CFAP210: variants seen among roughly 807,000 people sequenced by gnomAD.
CFAP210 encodes cilia and flagella associated protein 210, also known as cilia- and flagella- associated protein 210.
chr2:169,649,803 T>C, the CFAP210 span, among the ~76,000 whole-genome samples: 6 of 151,966 alleles, frequency 3.9e-5, no homozygotes, highest in African/African-American at 1.4e-4. Context: ...TGGTGGCGCA[T>C]GCCTGTAATC....
the CFAP210 span, among the ~76,000 whole-genome samples, chr2:169,684,331 T>A: frequency 6.6e-6 from 1 of 152,198 alleles, no homozygotes; most frequent in Non-Finnish European, 1.5e-5. Context: ...ATAATACACA[T>A]AAAAATCCGC....
the CFAP210 span, among the ~76,000 whole-genome samples, chr2:169,683,545 C>A: frequency 6.6e-6 from 1 of 152,204 alleles, no homozygotes; most frequent in Non-Finnish European, 1.5e-5. Context: ...ATGTTAATAT[C>A]TTTGTCTGAC....
chr2:169,662,213 T>C, the CFAP210 span: 2 of 1,473,424 alleles, frequency 1.4e-6, no homozygotes, highest in Non-Finnish European at 1.9e-6. Context: ...AAATATATTA[T>C]GTATCAATTT....
the CFAP210 span, among the ~76,000 whole-genome samples, chr2:169,677,920 A>C: frequency 5.3e-5 from 8 of 152,356 alleles, no homozygotes; most frequent in African/African-American, 1.9e-4. Context: ...TAAAGCTAAC[A>C]ATAGCAGATT....
At chr2:169,694,233 T>C in the CFAP210 span, 9 of 1,612,608 alleles carry the variant, frequency 5.6e-6, no homozygotes, top group South Asian at 9.9e-5. Flanking sequence ...AAACAATCCC[T>C]GTCCCTGGAT....
chr2:169,645,929 ACAT>A, the CFAP210 span: 1 of 1,613,952 alleles, frequency 6.2e-7, no homozygotes, highest in Non-Finnish European at 8.5e-7. Context: ...GACTCCAGTA[ACAT>A]CATTTGCCTG....
At chr2:169,683,825 G>C in the CFAP210 span, among the ~76,000 whole-genome samples, 2 of 151,928 alleles carry the variant, frequency 1.3e-5, no homozygotes, top group African/African-American at 2.4e-5. Context: ...AACAAACAAA[G>C]AGAACAGCCA....
At chr2:169,646,245 A>G in the CFAP210 span, 2 of 1,194,704 alleles carry the variant, frequency 1.7e-6, no homozygotes, top group South Asian at 1.5e-5. Flanking sequence ...TTCTAAATAT[A>G]CATAGCATTT....
At chr2:169,671,698 G>A in the CFAP210 span, among the ~76,000 whole-genome samples, 1 of 152,178 alleles carries the variant, frequency 6.6e-6, no homozygotes, top group Non-Finnish European at 1.5e-5. Flanking sequence ...TCAAACTCCT[G>A]ACCTCAAGTG....
the CFAP210 span, among the ~76,000 whole-genome samples, chr2:169,683,075 C>T: frequency 6.6e-6 from 1 of 152,042 alleles, no homozygotes; most frequent in Non-Finnish European, 1.5e-5. Context: ...GCCTTTAGGA[C>T]CAAATAAAGT....
the CFAP210 span, among the ~76,000 whole-genome samples, chr2:169,653,029 AATATATAT>A: frequency 0.066 from 2,637 of 39,692 alleles, 129 homozygotes; most frequent in African/African-American, 0.1. Flanking sequence ...AAAAAAAAAA[AATATATAT>A]ATATATATAT....
the CFAP210 span, among the ~76,000 whole-genome samples, chr2:169,676,919 G>A: frequency 1.3e-5 from 2 of 152,158 alleles, no homozygotes; most frequent in African/African-American, 4.8e-5. Context: ...AAAGTAGGGT[G>A]GAGGGAGGGA....
At chr2:169,671,270 T>TA in the CFAP210 span, among the ~76,000 whole-genome samples, 11 of 152,172 alleles carry the variant, frequency 7.2e-5, no homozygotes, top group Non-Finnish European at 1.5e-4. Flanking sequence ...AAAATACCTC[T>TA]ACAGCCCACT....
chr2:169,694,317 G>T, the CFAP210 span: 1 of 1,614,038 alleles, frequency 6.2e-7, no homozygotes, highest in South Asian at 1.1e-5. Flanking sequence ...CATCTCTGAC[G>T]AGGTGTCCAT....
the CFAP210 span, chr2:169,658,230 T>G: frequency 1.3e-5 from 2 of 152,296 alleles, no homozygotes; most frequent in Non-Finnish European, 1.5e-5. Context: ...AATTAAAACT[T>G]TAAACTCTTA....
chr2:169,674,960 T>C, the CFAP210 span: 1 of 1,546,590 alleles, frequency 6.5e-7, no homozygotes, highest in Admixed American at 2.1e-5. Flanking sequence ...ATATTTCTTC[T>C]TCCAGATCAA....
the CFAP210 span, among the ~76,000 whole-genome samples, chr2:169,687,270 G>A: frequency 2.6e-5 from 4 of 152,210 alleles, no homozygotes; most frequent in Admixed American, 1.3e-4. Context: ...AACCAATCAT[G>A]CCTTCACAAC....
the CFAP210 span, chr2:169,649,195 T>G: frequency 1.9e-6 from 3 of 1,609,774 alleles, no homozygotes; most frequent in Non-Finnish European, 2.5e-6. Flanking sequence ...TTGCTGAATA[T>G]GGGCATCTTG....
At chr2:169,657,770 T>A in the CFAP210 span, among the ~76,000 whole-genome samples, 2 of 151,988 alleles carry the variant, frequency 1.3e-5, no homozygotes, top group Non-Finnish European at 2.9e-5. Flanking sequence ...AATGATTACA[T>A]ATGTCAGATG....
Sources: gnomAD v4.1 joint callset for allele counts (sites outside exome capture counted in the v4.1 genomes callset) on GRCh38, gnomAD v4.1.1 for gene constraint, MANE v1.5 for transcripts, NCBI Gene and HGNC (gene_info 2026-07-23, HGNC 2026-07-21) for gene names.